Variants in ANKDD1B observed in about 807,000 individuals in gnomAD.
ANKDD1B encodes ankyrin repeat and death domain-containing protein 1B.
Under a neutral mutation model 59.7 loss-of-function variants are expected in ANKDD1B, and 57 were observed. That is an observed-to-expected ratio of 0.95 (90% CI 0.77 to 1.19). The LOEUF is 1.19. Among genes scored for constraint, ANKDD1B ranks in the 50% most tolerant of loss-of-function variants. ANKDD1B has a pLI of 0.00. For synonymous variants in ANKDD1B, 216 were observed against 239.5 expected (o/e 0.90, Z 0.91); for missense variants, 602 against 641.9 (o/e 0.94, Z 0.67).
intron 1 of ANKDD1B, among the ~76,000 whole-genome samples, chr5:75,612,552 C>T (rs1360748077): frequency 6.6e-6 from 1 of 151,968 alleles, no homozygotes; most frequent in Non-Finnish European, 1.5e-5. Context: ...ACCAATTCAT[C>T]AATATAGTGT....
rs1209618267 is a variant in ANKDD1B at position 75,663,244 on chromosome 5, A to G, written c.1096-150A>G. On this transcript the variant is annotated intron_variant, in intron 10 of 13. Coordinates refer to ENST00000601380, the MANE Select transcript of ANKDD1B (RefSeq NM_001276713.2). ...CTGACCACTCCACTATGGGGTAGTT[A>G]TAAAGACCCAAAGAAGCAAAGGACT... 7 of 630,608 alleles carry G rather than the reference A, an allele frequency of 1.1e-5. 1 individual carries two copies. The highest frequency in any genetic ancestry group is 2.0e-5 in the Non-Finnish European group (7 of 358,466). The allele number at this position is 630,608 out of a possible 1,614,324, so 39.1% of individuals were successfully genotyped here.
At chr5:75,663,548 A>G in intron 11 of ANKDD1B, 59 bp downstream of exon 11, 5 of 1,337,838 alleles carry the variant, frequency 3.7e-6, no homozygotes, top group African/African-American at 2.9e-5. Flanking sequence ...ATCTTCTTGC[A>G]GGGGCAATGG....
chr5:75,638,401 T>G (rs1224483902), intron 7 of ANKDD1B, among the ~76,000 whole-genome samples: 4 of 152,188 alleles, frequency 2.6e-5, no homozygotes, highest in Non-Finnish European at 5.9e-5. Flanking sequence ...GTGGGCTGCC[T>G]CTGTTTCCTG....
chr5:75,631,963 T>A (rs1217376847), intron 5 of ANKDD1B, among the ~76,000 whole-genome samples: 1 of 151,848 alleles, frequency 6.6e-6, no homozygotes, highest in Non-Finnish European at 1.5e-5. Flanking sequence ...AAAAATTAGC[T>A]GGGCATTGTG....
intron 1 of ANKDD1B, among the ~76,000 whole-genome samples, chr5:75,616,158 C>T (rs141821880): frequency 3.0e-4 from 46 of 152,248 alleles, no homozygotes; most frequent in South Asian, 2.5e-3. Flanking sequence ...GCCCTCTACT[C>T]CCCTACATAA....
In ANKDD1B at chr5:75,616,851, T is replaced by G; in HGVS notation, c.241T>G (p.Leu81Val). The change falls in exon 2 of 14, where the codon TTG (leucine) becomes GTG (valine). Residue 81 changes from leucine (L) to valine (V), a missense_variant. Coordinates refer to ENST00000601380, the MANE Select transcript of ANKDD1B (RefSeq NM_001276713.2). ...TCAGAATGCTGCTAAAAGCAATAAT[T>G]TGGATCTTATGGAGAAGCTGTTTGA... ...SFQNAAKSNN[L>V]DLMEKLFEKK... 6.5e-7 allele frequency: 1 copy of G among 1,533,334 alleles called. No homozygotes were observed. The highest frequency in any genetic ancestry group is 8.7e-7 in the Non-Finnish European group (1 of 1,144,622). The allele number at this position is 1,533,334 out of a possible 1,614,324, so 95.0% of individuals were successfully genotyped here. A position where few individuals can be genotyped will look rare whatever the true frequency, so the allele number is the denominator to read the frequency against.
At chr5:75,649,891 A>G (rs1774782312) in intron 7 of ANKDD1B, among the ~76,000 whole-genome samples, 1 of 152,166 alleles carries the variant, frequency 6.6e-6, no homozygotes, top group Admixed American at 6.5e-5. Flanking sequence ...GTCCACCACC[A>G]CTGAAATGTA....
At chr5:75,632,887 C>T (rs761465268) in intron 5 of ANKDD1B, among the ~76,000 whole-genome samples, 2 of 152,148 alleles carry the variant, frequency 1.3e-5, no homozygotes, top group Non-Finnish European at 2.9e-5. Context: ...TATTGCTTAG[C>T]ACATTATCTG....
At chr5:75,652,745 T>C (rs1350351684) in intron 7 of ANKDD1B, among the ~76,000 whole-genome samples, 2 of 152,232 alleles carry the variant, frequency 1.3e-5, no homozygotes, top group Admixed American at 6.5e-5. Flanking sequence ...AGCCAGATTT[T>C]CTTTTTTAAA....
intron 13 of ANKDD1B, among the ~76,000 whole-genome samples, chr5:75,670,172 C>T (rs934881656): frequency 2.0e-5 from 3 of 152,108 alleles, no homozygotes; most frequent in Non-Finnish European, 2.9e-5. Context: ...CCATTGGCCC[C>T]GAGAATACTC....
chr5:75,612,021 C>A (rs762822709), intron 1 of ANKDD1B, among the ~76,000 whole-genome samples, 194 bp downstream of exon 1: 117 of 152,256 alleles, frequency 7.7e-4, no homozygotes, highest in Non-Finnish European at 1.4e-3. Context: ...TTGGAATCCA[C>A]CCCCACCATG....
chr5:75,635,397 T>C (rs967802885), intron 6 of ANKDD1B: 2 of 193,914 alleles, frequency 1.0e-5, no homozygotes, highest in Admixed American at 1.1e-4. Flanking sequence ...AGATATGGAA[T>C]TGTGGGTCAA....
chr5:75,663,127 A>T (rs1775203232), intron 10 of ANKDD1B, among the ~76,000 whole-genome samples: 2 of 152,218 alleles, frequency 1.3e-5, no homozygotes, highest in South Asian at 4.1e-4. Flanking sequence ...ATTGGCCAGA[A>T]CTTAGGTCAC....
chr5:75,653,770 T>A (rs1423665078), intron 8 of ANKDD1B, among the ~76,000 whole-genome samples: 9 of 152,246 alleles, frequency 5.9e-5, no homozygotes, highest in Non-Finnish European at 8.8e-5. Flanking sequence ...ATTTCTCCGT[T>A]GAGAATATGA....
intron 10 of ANKDD1B, among the ~76,000 whole-genome samples, chr5:75,661,296 C>T (rs253415): frequency 0.7 from 104,818 of 149,376 alleles, 37,454 homozygotes; most frequent in Middle Eastern, 0.8. Context: ...ACAGCGGGGG[C>T]TGAGGCAGAA....
chr5:75,612,709 C>A (rs967854695), intron 1 of ANKDD1B, among the ~76,000 whole-genome samples: 8 of 151,998 alleles, frequency 5.3e-5, no homozygotes, highest in African/African-American at 1.7e-4. Flanking sequence ...AATAAGTACG[C>A]AAATAAATGA....
Position 75,667,011 on chromosome 5 carries a change from G to T in ANKDD1B, c.1393+18G>T. On this transcript the variant is annotated intron_variant, in intron 12 of 13. Transcript: ENST00000601380. ...GTGGTCGGGTGAGTACAGACTAGAT[G>T]ATGTGGGCAGGAGGAATTCACTGTT... 3 of 1,409,624 alleles carry T rather than the reference G, an allele frequency of 2.1e-6. No homozygotes were observed. The highest frequency in any genetic ancestry group is 2.8e-6 in the Non-Finnish European group (3 of 1,080,292). The allele number at this position is 1,409,624 out of a possible 1,614,324, so 87.3% of individuals were successfully genotyped here.
chr5:75,659,416 T>C lies in ANKDD1B; in HGVS notation c.1095+35T>C, dbSNP rs140082482. 7.7e-4 allele frequency: 1,105 copies of C among 1,436,514 alleles called. 10 individuals are homozygous for C. The East Asian group carries it at 0.021, about 27-fold the overall frequency. The allele number at this position is 1,436,514 out of a possible 1,614,324, so 89.0% of individuals were successfully genotyped here. On this transcript the variant is annotated intron_variant, in intron 10 of 13. Coordinates refer to ENST00000601380, the MANE Select transcript of ANKDD1B (RefSeq NM_001276713.2). ...TGGACTTTACTCCATTCAGCTGAGA[T>C]GGTTGCTAAGACCTTCCTGTTGGAT...
intron 5 of ANKDD1B, among the ~76,000 whole-genome samples, chr5:75,627,939 T>A (rs1426664076): frequency 3.9e-5 from 6 of 152,068 alleles, no homozygotes; most frequent in African/African-American, 1.4e-4. Flanking sequence ...TCCTCCTCTA[T>A]CTGTTGGGAA....
Sources: gnomAD v4.1 joint callset for allele counts (sites outside exome capture counted in the v4.1 genomes callset) on GRCh38, gnomAD v4.1.1 for gene constraint, MANE v1.5 for transcripts, NCBI Gene and HGNC (gene_info 2026-07-23, HGNC 2026-07-21) for gene names.